Variants in GULP1 observed in about 807,000 individuals in gnomAD.
The protein encoded by GULP1 is PTB domain-containing engulfment adapter protein 1.
GULP1 carries 19 observed loss-of-function variants against 40.9 expected under a neutral mutation model. The ratio of observed to expected loss-of-function variants is 0.46; its 90% CI spans 0.32 to 0.68. The LOEUF is 0.68. Among genes scored for constraint, GULP1 ranks in the 30% least tolerant of loss-of-function variants. The pLI is 0.03. For missense variants in GULP1, 312 were observed against 362.2 expected, an observed-to-expected ratio of 0.86 and a Z score of 1.12; for synonymous variants, 119 against 117.6, an observed-to-expected ratio of 1.01 and a Z score of -0.08.
rs2057104213 is a variant in GULP1 at position 188,433,455 on chromosome 2, C to G, written c.-44-44204C>G. 2.0e-5 allele frequency among the ~76,000 whole-genome samples: 3 copies of G among 152,084 alleles called. No homozygotes were observed. The South Asian group carries it at 6.2e-4, about 32-fold the overall frequency. On this transcript the variant is annotated intron_variant, in intron 2 of 11. Transcript: ENST00000409830. Reference sequence around the variant, plus strand: ...AGAGAAAAAGGCAATGGAGAAGATCCTTTAGAATGAACATCTGAATCAAAA... The same window carrying G: ...AGAGAAAAAGGCAATGGAGAAGATCGTTTAGAATGAACATCTGAATCAAAA...
chr2:188,510,418 G>A (rs1171407678), intron 4 of GULP1, among the ~76,000 whole-genome samples: 1 of 151,898 alleles, frequency 6.6e-6, no homozygotes, highest in African/African-American at 2.4e-5. Context: ...TCCTTTTATT[G>A]ATAATTAGAT....
chr2:188,359,449 T>C (rs1028263211), intron 1 of GULP1, among the ~76,000 whole-genome samples: 2 of 152,140 alleles, frequency 1.3e-5, no homozygotes, highest in Admixed American at 1.3e-4. Context: ...CAAATATCTA[T>C]CTAACTAAGC....
chr2:188,428,280 G>A (rs943143821), intron 2 of GULP1, among the ~76,000 whole-genome samples: 8 of 152,154 alleles, frequency 5.3e-5, no homozygotes, highest in African/African-American at 1.9e-4. Flanking sequence ...TTTGACCTTG[G>A]ATTTTTGACT....
At chr2:188,505,878 G>C (rs2063855798) in intron 4 of GULP1, among the ~76,000 whole-genome samples, 1 of 151,792 alleles carries the variant, frequency 6.6e-6, no homozygotes, top group Non-Finnish European at 1.5e-5. Context: ...CCAATTTATA[G>C]TCACTGAACA....
At chr2:188,314,273 T>G (rs1367385920) in intron 1 of GULP1, among the ~76,000 whole-genome samples, 5 of 152,184 alleles carry the variant, frequency 3.3e-5, no homozygotes, top group African/African-American at 1.2e-4. Flanking sequence ...AGTAGTACAG[T>G]AGGGGAATTG....
chr2:188,500,100 T>C (rs1037419834), intron 4 of GULP1, among the ~76,000 whole-genome samples: 2 of 151,878 alleles, frequency 1.3e-5, no homozygotes, highest in Non-Finnish European at 2.9e-5. Context: ...AACATTCTCA[T>C]TGAATATGCA....
chr2:188,486,664 G>A (rs943903667), intron 4 of GULP1, among the ~76,000 whole-genome samples: 12 of 151,788 alleles, frequency 7.9e-5, no homozygotes, highest in African/African-American at 2.9e-4. Flanking sequence ...AATATTCATA[G>A]TGTAATGATT....
intron 1 of GULP1, among the ~76,000 whole-genome samples, chr2:188,300,977 T>C (rs758730370): frequency 5.3e-5 from 8 of 152,120 alleles, no homozygotes; most frequent in Non-Finnish European, 1.2e-4. Context: ...TGACACTTAT[T>C]TGCTTCCTTC....
chr2:188,530,564 A>G (rs936294301), intron 6 of GULP1, among the ~76,000 whole-genome samples: 1 of 152,154 alleles, frequency 6.6e-6, no homozygotes, highest in Non-Finnish European at 1.5e-5. Context: ...TATGTCTAGT[A>G]TTCTTACAAA....
At chr2:188,578,547 AG>A (rs1302704729) in intron 9 of GULP1, among the ~76,000 whole-genome samples, 2 of 151,852 alleles carry the variant, frequency 1.3e-5, no homozygotes, top group Non-Finnish European at 2.9e-5. Flanking sequence ...AAAAAAAAAA[AG>A]AATAAAAAGA....
intron 1 of GULP1, among the ~76,000 whole-genome samples, chr2:188,381,955 A>C (rs2152499477): frequency 6.6e-6 from 1 of 152,326 alleles, no homozygotes; most frequent in Non-Finnish European, 1.5e-5. Context: ...CGATTTAATA[A>C]ATAATAGTGT....
At chr2:188,475,300 A>G (rs545022674) in intron 2 of GULP1, among the ~76,000 whole-genome samples, 19 of 152,282 alleles carry the variant, frequency 1.2e-4, no homozygotes, top group African/African-American at 4.3e-4. Flanking sequence ...TGAGCAAGCA[A>G]AAGTGCTTCT....
At chr2:188,420,479 T>C (rs2055245556) in intron 2 of GULP1, among the ~76,000 whole-genome samples, 1 of 152,188 alleles carries the variant, frequency 6.6e-6, no homozygotes, top group African/African-American at 2.4e-5. Flanking sequence ...GTTACAGTTC[T>C]GCTGCCCTCA....
chr2:188,452,613 A>G (rs1299416959), intron 2 of GULP1, among the ~76,000 whole-genome samples: 3 of 152,156 alleles, frequency 2.0e-5, no homozygotes, highest in Non-Finnish European at 2.9e-5. Context: ...ATGTGTTTCA[A>G]AACAACAAAT....
intron 2 of GULP1, among the ~76,000 whole-genome samples, chr2:188,386,351 A>G (rs2049745724): frequency 6.6e-6 from 1 of 152,148 alleles, no homozygotes; most frequent in South Asian, 2.1e-4. Context: ...CACCTTCCAC[A>G]AGGTTTCTCC....
At chr2:188,397,539 G>A (rs2051462549) in intron 2 of GULP1, among the ~76,000 whole-genome samples, 1 of 152,118 alleles carries the variant, frequency 6.6e-6, no homozygotes, top group Non-Finnish European at 1.5e-5. Context: ...CATAAATGTT[G>A]CTGATATGAA....
chr2:188,356,005 C>T (rs1409224660), intron 1 of GULP1, among the ~76,000 whole-genome samples: 1 of 151,996 alleles, frequency 6.6e-6, no homozygotes, highest in Non-Finnish European at 1.5e-5. Context: ...TAAAAACTCT[C>T]AACAAATTAT....
At chr2:188,378,283 A>G (rs960308242) in intron 1 of GULP1, among the ~76,000 whole-genome samples, 1 of 151,758 alleles carries the variant, frequency 6.6e-6, no homozygotes, top group Non-Finnish European at 1.5e-5. Context: ...ATATAGAAAA[A>G]AAAAAAAAAA....
intron 1 of GULP1, among the ~76,000 whole-genome samples, chr2:188,330,011 C>T (rs557287950): frequency 5.3e-5 from 8 of 151,982 alleles, no homozygotes; most frequent in Non-Finnish European, 1.2e-4. Context: ...TGTATTTAGG[C>T]AGTTCATGGG....
Sources: gnomAD v4.1 joint callset for allele counts (sites outside exome capture counted in the v4.1 genomes callset) on GRCh38, gnomAD v4.1.1 for gene constraint, MANE v1.5 for transcripts, NCBI Gene and HGNC (gene_info 2026-07-23, HGNC 2026-07-21) for gene names.